The following AFF1 variants were observed in gnomAD, a reference collection of about 807,000 sequenced individuals.
The protein encoded by AFF1 is AF4/FMR2 family member 1.
Under a neutral mutation model 121.7 loss-of-function variants are expected in AFF1, and 48 were observed. The ratio of observed to expected loss-of-function variants is 0.39; its 90% CI spans 0.31 to 0.50. The LOEUF (loss-of-function observed/expected upper bound fraction) is 0.50, where lower values mean the gene tolerates loss of function less well. Ranked by LOEUF, AFF1 falls within the 20% of genes least tolerant of loss-of-function variation. The pLI is 0.76. For missense variants in AFF1, 1,523 were observed against 1,511.7 expected (o/e 1.01, Z -0.12); for synonymous variants, 613 against 563.0 (o/e 1.09, Z -1.26).
intron 2 of AFF1, among the ~76,000 whole-genome samples, chr4:86,951,615 C>T (rs374228513): frequency 1.3e-3 from 164 of 124,904 alleles, no homozygotes; most frequent in African/African-American, 4.0e-3. Flanking sequence ...TTTCTTTTTT[C>T]TTTTTTTCTT....
chr4:87,053,637 C>A (rs532315151), intron 4 of AFF1, among the ~76,000 whole-genome samples: 1 of 152,322 alleles, frequency 6.6e-6, no homozygotes, highest in African/African-American at 2.4e-5. Flanking sequence ...ACAAACACAT[C>A]ATGTATTCAG....
chr4:86,970,611 T>C lies in AFF1; in HGVS notation c.38+22040T>C, dbSNP rs544878869. Among the ~76,000 whole-genome samples the C allele has an allele frequency of 1.2e-4, 18 of 152,258 alleles. No homozygotes were observed. The South Asian group carries it at 3.5e-3, about 30-fold the overall frequency. On this transcript the variant is annotated intron_variant, in intron 2 of 20. Transcript: ENST00000395146. ...TGTATGGGTAAACATGTATTATAGA[T>C]GAAAAATAAACATGAATCATATCAG...
Position 87,138,830 on chromosome 4 carries a change from A to T in AFF1, c.*3129A>T, listed in dbSNP as rs1431308975. The T allele has an allele frequency of 1.3e-5, 3 of 229,104 alleles. No individual in the cohort carries two copies. Among genetic ancestry groups the T allele is most frequent in the East Asian group, 1.2e-4 (2 of 16,008 alleles). The allele number at this position is 229,104 out of a possible 1,614,324, so 14.2% of individuals were successfully genotyped here. On this transcript the variant is annotated 3_prime_UTR_variant, in exon 21 of 21. Transcript: ENST00000395146. ...GTATCTAATATTTTGTAACAAAAAG[A>T]CCTTCATATTATCTGTTTTGACCAA...
chr4:87,108,601 CTGTT>C (rs1726165837), intron 11 of AFF1, among the ~76,000 whole-genome samples: 2 of 152,316 alleles, frequency 1.3e-5, no homozygotes, highest in East Asian at 1.9e-4. Flanking sequence ...CTCATTAAGA[CTGTT>C]TGCACACCAT....
chr4:86,949,961 A>T (rs1206280676), intron 2 of AFF1: 1 of 1,614,088 alleles, frequency 6.2e-7, no homozygotes, highest in Non-Finnish European at 8.5e-7. Context: ...GGCCATGTGG[A>T]TGGAGAAGTT....
chr4:86,971,136 A>G (rs1163118922), intron 2 of AFF1, among the ~76,000 whole-genome samples: 1 of 152,142 alleles, frequency 6.6e-6, no homozygotes. Flanking sequence ...GTGGATGGGG[A>G]TTATCTTTCC....
intron 2 of AFF1, among the ~76,000 whole-genome samples, chr4:86,980,294 C>G (rs1723632586): frequency 6.6e-6 from 1 of 152,086 alleles, no homozygotes; most frequent in Non-Finnish European, 1.5e-5. Context: ...TATGTAATAG[C>G]AAAAGAGTGG....
chr4:87,033,492 A>G (rs1287017272), intron 2 of AFF1, among the ~76,000 whole-genome samples: 4 of 152,230 alleles, frequency 2.6e-5, no homozygotes, highest in East Asian at 1.9e-4. Context: ...AAGCTGTTCT[A>G]TAGAATGTAC....
intron 2 of AFF1, among the ~76,000 whole-genome samples, chr4:86,984,457 G>A (rs1724048946): frequency 6.6e-6 from 1 of 151,754 alleles, no homozygotes; most frequent in Non-Finnish European, 1.5e-5. Context: ...CCGAGTAGCT[G>A]AGACTAGGCG....
At chr4:87,032,499 C>A (rs1484029190) in intron 2 of AFF1, among the ~76,000 whole-genome samples, 1 of 152,192 alleles carries the variant, frequency 6.6e-6, no homozygotes, top group Admixed American at 6.5e-5. Context: ...ACAACTTATT[C>A]CTCCTTTTTT....
Position 86,986,040 on chromosome 4 carries a change from C to CAATTTAATTTAATTT in AFF1, c.38+37498_38+37512dup, listed in dbSNP as rs60227626. ...CCTTTTTTTAAAATTTAATTCAATT[C>CAATTTAATTTAATTT]AATTTAATTTAATTTAATTTAATTT... On this transcript the variant is annotated intron_variant, in intron 2 of 20. Coordinates refer to ENST00000395146, the MANE Select transcript of AFF1 (RefSeq NM_001166693.3). 4.3e-3 allele frequency among the ~76,000 whole-genome samples: 581 copies of CAATTTAATTTAATTT among 135,592 alleles called. 5 individuals carry two copies. The highest frequency in any genetic ancestry group is 0.011 in the African/African-American group (370 of 33,872). The allele number at this position is 135,592 out of a possible 152,430, so 89.0% of individuals were successfully genotyped here.
chr4:87,029,680 C>A (rs1341810219), intron 2 of AFF1, among the ~76,000 whole-genome samples: 1 of 152,184 alleles, frequency 6.6e-6, no homozygotes, highest in Non-Finnish European at 1.5e-5. Context: ...TATATCCTGT[C>A]ATTTCCATTT....
chr4:87,037,346 C>G (rs185355873), intron 2 of AFF1, among the ~76,000 whole-genome samples: 1 of 152,272 alleles, frequency 6.6e-6, no homozygotes, highest in Non-Finnish European at 1.5e-5. Context: ...GAGTCTTGCT[C>G]TGTCACCCAG....
At chr4:87,075,232 T>G (rs374592581) in intron 4 of AFF1, among the ~76,000 whole-genome samples, 32 of 152,190 alleles carry the variant, frequency 2.1e-4, no homozygotes, top group African/African-American at 5.3e-4. Context: ...ATTTAGTGGG[T>G]TTTTTTAGCT....
Position 87,114,972 on chromosome 4 carries a change from G to A in AFF1, c.2139G>A (p.Leu713=). 6.2e-7 allele frequency: 1 copy of A among 1,613,580 alleles called. No individual in the cohort carries two copies. The highest frequency in any genetic ancestry group is 8.5e-7 in the Non-Finnish European group (1 of 1,179,726). ...RTPEHFALVP[L]TESQGPPHSG... ...CTGAGCACTTTGCTCTTGTTCCCCTGACTGAGAGCCAGGGCCCACCCCACA... is the reference window on the plus strand; with the variant it reads ...CTGAGCACTTTGCTCTTGTTCCCCTAACTGAGAGCCAGGGCCCACCCCACA... The change falls in exon 12 of 21, where the codon CTG becomes CTA. Residue 713 remains leucine, a synonymous_variant. Coordinates refer to ENST00000395146, the MANE Select transcript of AFF1 (RefSeq NM_001166693.3).
chr4:87,040,421 G>A (rs978373764), intron 2 of AFF1, among the ~76,000 whole-genome samples: 1 of 152,162 alleles, frequency 6.6e-6, no homozygotes, highest in African/African-American at 2.4e-5. Context: ...GCACACTTTA[G>A]CACACCTTCT....
At chr4:87,078,049 C>G (rs1327682561) in intron 4 of AFF1, among the ~76,000 whole-genome samples, 1 of 152,074 alleles carries the variant, frequency 6.6e-6, no homozygotes, top group African/African-American at 2.4e-5. Flanking sequence ...AATTAATGTC[C>G]TTAAAGGTTG....
At chr4:87,012,556 A>G (rs966894367) in intron 2 of AFF1, among the ~76,000 whole-genome samples, 1 of 152,190 alleles carries the variant, frequency 6.6e-6, no homozygotes, top group African/African-American at 2.4e-5. Context: ...ACTTAAATGT[A>G]AAAACTGGGG....
intron 6 of AFF1, 74 bp downstream of exon 6, chr4:87,090,144 TG>T: frequency 8.4e-7 from 1 of 1,197,180 alleles, no homozygotes; most frequent in Non-Finnish European, 1.2e-6. Context: ...TGAGGCAGAT[TG>T]ATAAAGTATT....
Sources: gnomAD v4.1 joint callset for allele counts (sites outside exome capture counted in the v4.1 genomes callset) on GRCh38, gnomAD v4.1.1 for gene constraint, MANE v1.5 for transcripts, NCBI Gene and HGNC (gene_info 2026-07-23, HGNC 2026-07-21) for gene names.